TBC1D2: variants seen among roughly 807,000 people sequenced by gnomAD.
The protein encoded by TBC1D2 is TBC1 domain family member 2A.
In TBC1D2, 58 loss-of-function variants were observed where a neutral mutation model predicts 91.1. The ratio of observed to expected loss-of-function variants is 0.64; its 90% CI spans 0.52 to 0.79. TBC1D2 has a LOEUF of 0.79. Ranked by LOEUF, TBC1D2 falls within the 30% of genes least tolerant of loss-of-function variation. The pLI is 0.00. For missense variants in TBC1D2, 1,080 were observed against 1,208.3 expected (o/e 0.89, Z 1.57); for synonymous variants, 482 against 511.5 (o/e 0.94, Z 0.78).
chr9:98,247,191 G>A (rs1444698853), intron 2 of TBC1D2, among the ~76,000 whole-genome samples: 1 of 152,016 alleles, frequency 6.6e-6, no homozygotes. Context: ...ACTGGGCGTG[G>A]TGACGTGTGC....
chr9:98,242,893 G>C lies in TBC1D2; in HGVS notation c.647+1101C>G, dbSNP rs375670964. Among the ~76,000 whole-genome samples, 3 of 138,562 alleles carry C rather than the reference G, an allele frequency of 2.2e-5. No individual in the cohort carries two copies. In the East Asian group the frequency reaches 6.2e-4, roughly 29 times the overall value. The allele number at this position is 138,562 out of a possible 152,430, so 90.9% of individuals were successfully genotyped here. ...AGTGGTATGATCATGGCTTACTGCA[G>C]CCTTGACTTCCTGGGCTTGGGATTA... On this transcript the variant is annotated intron_variant, in intron 3 of 12. Transcript: ENST00000465784.
rs779015506 is a variant in TBC1D2, at chr9:98,199,587, T to A, written c.2581A>T (p.Lys861Ter). Residue 861 changes from lysine (K) to a stop codon, truncating the protein, a stop_gained and splice_region_variant, in exon 13 of 13, where the codon AAG becomes TAG. Transcript: ENST00000465784. LOFTEE classifies it low-confidence loss of function (END_TRUNC). ...FFTKTISNSRKLMNIAFNDMN... is the reference protein window; with the variant it reads ...FFTKTISNSR The stretch of plus-strand genomic sequence containing the variant: ...TCATTGAAGGCGATGTTCATCAGCT[T>A]CCTGGGAGGAGGGCACAATCAGCCC... 3 of 1,613,938 alleles carry A rather than the reference T, an allele frequency of 1.9e-6. No homozygotes were observed. The highest frequency in any genetic ancestry group is 2.5e-6 in the Non-Finnish European group (3 of 1,180,040).
At chr9:98,242,014 A>C (rs1829648851) in intron 3 of TBC1D2, among the ~76,000 whole-genome samples, 1 of 152,092 alleles carries the variant, frequency 6.6e-6, no homozygotes, top group Non-Finnish European at 1.5e-5. Flanking sequence ...CACTCAAGCA[A>C]ATTCAGACTC....
At chr9:98,252,312 T>C (rs1163363034) in intron 1 of TBC1D2, among the ~76,000 whole-genome samples, 3 of 152,210 alleles carry the variant, frequency 2.0e-5, no homozygotes, top group East Asian at 1.9e-4. Context: ...AATTCTGATA[T>C]GCGTGGGGTC....
At chr9:98,251,418 C>CAT (rs1309909040) in intron 2 of TBC1D2, among the ~76,000 whole-genome samples, 1 of 152,174 alleles carries the variant, frequency 6.6e-6, no homozygotes, top group Non-Finnish European at 1.5e-5. Context: ...TAATAGTCAT[C>CAT]ACAATAGTAG....
rs1227672721 is a variant in TBC1D2 at position 98,201,571 on chromosome 9, T to G, written c.2365A>C (p.Thr789Pro). 1.5e-5 allele frequency: 25 copies of G among 1,614,076 alleles called. No individual in the cohort carries two copies. The highest frequency in any genetic ancestry group is 2.1e-5 in the Non-Finnish European group (25 of 1,180,014). ...AAGACCACGAGGAACCAGTTGAAGG[T>G]GACGAGGGAGAGATCCACGTGGTGC... ...GQHHVDLSLV[T>P]FNWFLVVFAD... The change falls in exon 11 of 13, where the codon ACC (threonine) becomes CCC (proline). Residue 789 changes from threonine (T) to proline (P), a missense_variant. Thr to Pro is a conservative substitution (Grantham distance 38). Transcript: ENST00000465784.
At chr9:98,233,277 GGTGTT>G in intron 4 of TBC1D2, 134 bp downstream of exon 4, 2 of 1,174,128 alleles carry the variant, frequency 1.7e-6, no homozygotes, top group Non-Finnish European at 2.3e-6. Flanking sequence ...CGCAGTCTAT[GGTGTT>G]TCAGTAAGTA....
At chr9:98,209,730 CTTCCTTCTTTCCT>C (rs1828764484) in intron 8 of TBC1D2, among the ~76,000 whole-genome samples, 1 of 129,758 alleles carries the variant, frequency 7.7e-6, no homozygotes, top group African/African-American at 3.1e-5. Context: ...TCCTTCCTTC[CTTCCTTCTTTCCT>C]TTCCTTCCTT....
chr9:98,222,866 T>C (rs1829133362), intron 5 of TBC1D2, among the ~76,000 whole-genome samples: 1 of 152,240 alleles, frequency 6.6e-6, no homozygotes, highest in African/African-American at 2.4e-5. Context: ...CATGACTTTT[T>C]TGGAGAAGCT....
At chr9:98,219,435 A>G (rs942981941) in intron 6 of TBC1D2, among the ~76,000 whole-genome samples, 1 of 152,096 alleles carries the variant, frequency 6.6e-6, no homozygotes, top group African/African-American at 2.4e-5. Context: ...GAGAGTTCTC[A>G]AGGTTATAAG....
intron 2 of TBC1D2, 78 bp downstream of exon 2, chr9:98,251,707 G>T: frequency 1.4e-6 from 2 of 1,465,268 alleles, no homozygotes; most frequent in Non-Finnish European, 1.8e-6. Flanking sequence ...GGCTCCTCCC[G>T]CTCATTCCCA....
intron 5 of TBC1D2, among the ~76,000 whole-genome samples, chr9:98,222,299 A>G (rs960134824): frequency 3.9e-5 from 6 of 152,180 alleles, no homozygotes; most frequent in African/African-American, 1.4e-4. Flanking sequence ...ATCATTCTCA[A>G]TATAGCAGCC....
chr9:98,214,679 G>A (rs1828927104), intron 6 of TBC1D2, among the ~76,000 whole-genome samples: 1 of 152,238 alleles, frequency 6.6e-6, no homozygotes, highest in Non-Finnish European at 1.5e-5. Context: ...AGGGTCACAT[G>A]TGCACAGCCC....
intron 9 of TBC1D2, among the ~76,000 whole-genome samples, chr9:98,205,718 T>C (rs1828632847): frequency 6.6e-6 from 1 of 151,938 alleles, no homozygotes; most frequent in Admixed American, 6.6e-5. Flanking sequence ...TTGTTTCTTG[T>C]TTTTCGTTTT....
At chr9:98,251,117 T>G (rs1829865290) in intron 2 of TBC1D2, among the ~76,000 whole-genome samples, 2 of 151,960 alleles carry the variant, frequency 1.3e-5, no homozygotes, top group Admixed American at 1.3e-4. Flanking sequence ...AAACCCCATC[T>G]CTACTAAAAA....
chr9:98,217,920 T>TCA (rs1225384849), intron 6 of TBC1D2, among the ~76,000 whole-genome samples: 1 of 152,052 alleles, frequency 6.6e-6, no homozygotes, highest in African/African-American at 2.4e-5. Context: ...CTTGCTATGT[T>TCA]GCCTAGGCTG....
intron 2 of TBC1D2, among the ~76,000 whole-genome samples, chr9:98,248,519 C>T (rs903694078): frequency 6.6e-6 from 1 of 152,254 alleles, no homozygotes; most frequent in African/African-American, 2.4e-5. Flanking sequence ...CTAGAGGGCC[C>T]TGGACGAGTG....
chr9:98,230,828 C>A (rs1829349828), intron 4 of TBC1D2, among the ~76,000 whole-genome samples: 1 of 152,132 alleles, frequency 6.6e-6, no homozygotes, highest in Admixed American at 6.6e-5. Flanking sequence ...TTGTAGTGAG[C>A]CGAGATCATG....
At position 98,199,272 on chromosome 9, in the gene TBC1D2, G is replaced by C; in HGVS notation, c.*109C>G. 1 of 1,214,792 alleles carries C rather than the reference G, an allele frequency of 8.2e-7. No individual in the cohort carries two copies. Among genetic ancestry groups the C allele is most frequent in the Non-Finnish European group, 1.2e-6 (1 of 844,968 alleles). The allele number at this position is 1,214,792 out of a possible 1,614,324, so 75.3% of individuals were successfully genotyped here. On this transcript the variant is annotated 3_prime_UTR_variant, in exon 13 of 13. Transcript: ENST00000465784. ...CAGAGAGGGGAAGGGACATGTCCAA[G>C]GTCACATGGTGATGGGACACCCAGG...
Sources: gnomAD v4.1 joint callset for allele counts (sites outside exome capture counted in the v4.1 genomes callset) on GRCh38, gnomAD v4.1.1 for gene constraint, MANE v1.5 for transcripts, NCBI Gene and HGNC (gene_info 2026-07-23, HGNC 2026-07-21) for gene names.